Variants in TSNARE1 observed in about 807,000 individuals in gnomAD.
TSNARE1 encodes the protein t-SNARE domain-containing protein 1.
TSNARE1 carries 49 observed loss-of-function variants against 62.0 expected under a neutral mutation model. That is an observed-to-expected ratio of 0.79 (90% CI 0.63 to 1.00). The LOEUF is 1.00. TSNARE1 is among the 50% of genes least tolerant of loss of function. The probability of loss-of-function intolerance (pLI) is 0.00; values close to 1 mark genes in which losing one functional copy is unlikely to be tolerated. For synonymous variants in TSNARE1, 328 were observed against 294.4 expected, an observed-to-expected ratio of 1.11 and a Z score of -1.17; for missense variants, 755 against 700.1, an observed-to-expected ratio of 1.08 and a Z score of -0.88.
intron 12 of TSNARE1, among the ~76,000 whole-genome samples, chr8:142,256,351 AT>A (rs1178524508): frequency 9.0e-5 from 13 of 145,144 alleles, no homozygotes; most frequent in South Asian, 2.2e-4. Flanking sequence ...CATCATCACC[AT>A]CATTATCACC....
At chr8:142,227,316 C>A (rs558281149) in intron 13 of TSNARE1, among the ~76,000 whole-genome samples, 34 of 129,362 alleles carry the variant, frequency 2.6e-4, no homozygotes, top group African/African-American at 1.7e-3. Flanking sequence ...CCTTCCTGCC[C>A]ACAACTCCAG....
chr8:142,294,310 A>G (rs1824313550), intron 10 of TSNARE1, among the ~76,000 whole-genome samples: 1 of 152,210 alleles, frequency 6.6e-6, no homozygotes, highest in Non-Finnish European at 1.5e-5. Flanking sequence ...CTGGGGAAAC[A>G]GCAAGGGCCC....
chr8:142,277,694 C>A (rs1820733453), intron 11 of TSNARE1: 3 of 985,464 alleles, frequency 3.0e-6, no homozygotes, highest in Non-Finnish European at 3.6e-6. Context: ...AGCTCACAGG[C>A]ACCAAAGACT....
intron 11 of TSNARE1, among the ~76,000 whole-genome samples, chr8:142,281,165 G>A (rs954483160): frequency 6.6e-6 from 1 of 152,106 alleles, no homozygotes. Context: ...GGGAGAATGA[G>A]TGGGTGGGGT....
At chr8:142,374,238 G>A (rs1043690176) in intron 1 of TSNARE1, among the ~76,000 whole-genome samples, 1 of 151,922 alleles carries the variant, frequency 6.6e-6, no homozygotes, top group Non-Finnish European at 1.5e-5. Flanking sequence ...CAGGGAGGCG[G>A]AGGTTGCAGT....
Position 142,267,105 on chromosome 8 carries a change from T to G in TSNARE1, c.1446+7676A>C, listed in dbSNP as rs572138201. On this transcript the variant is annotated intron_variant, in intron 12 of 13. Coordinates refer to ENST00000524325, the MANE Select transcript of TSNARE1 (RefSeq NM_145003.5). ...ACAGAAATCATATTATATGTCTGAT[T>G]AATTGCAACAGCTAAAATCTTTTGG... is the stretch of plus-strand genomic sequence containing the variant. Among the ~76,000 whole-genome samples, 6 of 152,346 alleles carry G rather than the reference T, an allele frequency of 3.9e-5. No individual in the cohort carries two copies. The South Asian group carries it at 1.2e-3, about 32-fold the overall frequency.
At chr8:142,386,433 G>A (rs1028487048) in intron 1 of TSNARE1, among the ~76,000 whole-genome samples, 1 of 151,834 alleles carries the variant, frequency 6.6e-6, no homozygotes, top group African/African-American at 2.4e-5. Context: ...AAAGAAAATG[G>A]ACCACAGAGT....
At chr8:142,375,648 C>T (rs958009214) in intron 1 of TSNARE1, among the ~76,000 whole-genome samples, 17 of 152,280 alleles carry the variant, frequency 1.1e-4, no homozygotes, top group African/African-American at 3.9e-4. Context: ...TCTCAAAGGT[C>T]TGACCCTTCA....
At chr8:142,352,892 G>GTCTACACCCC (rs1183510118) in intron 2 of TSNARE1, among the ~76,000 whole-genome samples, 1 of 152,182 alleles carries the variant, frequency 6.6e-6, no homozygotes, top group Non-Finnish European at 1.5e-5. Flanking sequence ...CTGAACCTGT[G>GTCTACACCCC]TCTACACCCC....
At chr8:142,373,451 C>A (rs1251963788) in intron 1 of TSNARE1, among the ~76,000 whole-genome samples, 1 of 152,166 alleles carries the variant, frequency 6.6e-6, no homozygotes, top group East Asian at 1.9e-4. Flanking sequence ...CCCGCCAATA[C>A]CCCACCTGGC....
At chr8:142,222,859 TCCACTCAC>T (rs1227124881) in intron 13 of TSNARE1, among the ~76,000 whole-genome samples, 1 of 132,882 alleles carries the variant, frequency 7.5e-6, no homozygotes, top group African/African-American at 2.9e-5. Context: ...CACTCACTCA[TCCACTCAC>T]TCATTCACTT....
intron 12 of TSNARE1, among the ~76,000 whole-genome samples, chr8:142,235,640 C>T (rs1193005991): frequency 6.6e-6 from 1 of 152,114 alleles, no homozygotes; most frequent in Non-Finnish European, 1.5e-5. Flanking sequence ...AAGTGGATTA[C>T]AAATGCTGTA....
chr8:142,300,469 GC>G lies in TSNARE1; in HGVS notation c.1290+16del, dbSNP rs762073922. The G allele has an allele frequency of 1.8e-5, 29 of 1,593,304 alleles. No homozygotes were observed. Among genetic ancestry groups the G allele is most frequent in the Non-Finnish European group, 2.1e-5 (25 of 1,173,922 alleles). ...TGGAGTGTGGAGAGTGAGCACGCTTGCCCACGCCAGCCTCACCTCCATCTGC... is the reference window on the plus strand; with the variant it reads ...TGGAGTGTGGAGAGTGAGCACGCTTGCCACGCCAGCCTCACCTCCATCTGC... On this transcript the variant is annotated intron_variant, in intron 10 of 13. Transcript: ENST00000524325.
At chr8:142,391,875 G>C (rs1837559725) in intron 1 of TSNARE1, among the ~76,000 whole-genome samples, 2 of 152,228 alleles carry the variant, frequency 1.3e-5, no homozygotes, top group African/African-American at 4.8e-5. Flanking sequence ...CAGCCTACTG[G>C]GCTGAGTGGG....
chr8:142,233,935 C>G (rs552073299), intron 12 of TSNARE1, among the ~76,000 whole-genome samples: 1 of 152,324 alleles, frequency 6.6e-6, no homozygotes, highest in South Asian at 2.1e-4. Context: ...ACCACTGCAC[C>G]CTCCCAGCTC....
chr8:142,270,216 G>T lies in TSNARE1; in HGVS notation c.1446+4565C>A, dbSNP rs532738810. On this transcript the variant is annotated intron_variant, in intron 12 of 13. Transcript: ENST00000524325. ...CAGGGACTGGAGATGTGGCAGCCCC[G>T]CCAAGGGATCTCCCAAGAGTCAAAG... The T allele has an allele frequency of 9.0e-5, 89 of 985,270 alleles. No homozygotes were observed. The African/African-American group carries it at 1.5e-3, about 16-fold the overall frequency. The allele number at this position is 985,270 out of a possible 1,614,324, so 61.0% of individuals were successfully genotyped here.
chr8:142,380,110 C>G (rs1206496837), intron 1 of TSNARE1, among the ~76,000 whole-genome samples: 1 of 152,316 alleles, frequency 6.6e-6, no homozygotes, highest in East Asian at 1.9e-4. Context: ...GACACCAAGG[C>G]CAAGCTTTGT....
At chr8:142,315,638 C>T (rs956748040) in intron 7 of TSNARE1, among the ~76,000 whole-genome samples, 2 of 151,722 alleles carry the variant, frequency 1.3e-5, no homozygotes, top group Non-Finnish European at 2.9e-5. Flanking sequence ...GGGCTGGACA[C>T]GCACGGAGCC....
intron 4 of TSNARE1, among the ~76,000 whole-genome samples, chr8:142,336,138 A>C (rs1420321109): frequency 6.6e-6 from 1 of 152,096 alleles, no homozygotes; most frequent in Non-Finnish European, 1.5e-5. Context: ...AAAATTGGCC[A>C]GCTGTGGTGA....
Sources: gnomAD v4.1 joint callset for allele counts (sites outside exome capture counted in the v4.1 genomes callset) on GRCh38, gnomAD v4.1.1 for gene constraint, MANE v1.5 for transcripts, NCBI Gene and HGNC (gene_info 2026-07-23, HGNC 2026-07-21) for gene names.